Variants in RBFOX1 observed in about 807,000 individuals in gnomAD.
RBFOX1 encodes RNA binding protein fox-1 homolog 1.
Under a neutral mutation model 57.7 loss-of-function variants are expected in RBFOX1, and 8 were observed. The ratio of observed to expected loss-of-function variants is 0.14; its 90% confidence interval spans 0.08 to 0.25. RBFOX1 has a LOEUF of 0.25. Ranked by LOEUF, RBFOX1 falls within the 10% of genes least tolerant of loss-of-function variation. RBFOX1 has a pLI of 1.00. For missense variants in RBFOX1, 611 were observed against 548.5 expected, an observed-to-expected ratio of 1.11 and a Z score of -1.14; for synonymous variants, 326 against 222.4, an observed-to-expected ratio of 1.47 and a Z score of -4.15.
intron 7 of RBFOX1, among the ~76,000 whole-genome samples, chr16:7,595,232 A>G (rs892465439): frequency 6.6e-6 from 1 of 152,120 alleles, no homozygotes; most frequent in African/African-American, 2.4e-5. Context: ...CTGTGAAGAC[A>G]CTGTAAATTT....
intron 3 of RBFOX1, among the ~76,000 whole-genome samples, chr16:6,719,526 C>T (rs9674251): frequency 0.011 from 1,625 of 151,914 alleles, 23 homozygotes; most frequent in African/African-American, 0.037. Context: ...CTGTTAGCTC[C>T]ACCTCCTGGG....
intron 1 of RBFOX1, among the ~76,000 whole-genome samples, chr16:6,290,968 C>G (rs998106939): frequency 9.2e-5 from 14 of 152,040 alleles, no homozygotes; most frequent in African/African-American, 3.1e-4. Flanking sequence ...TGCTGGTTGC[C>G]TATTTTTGTG....
chr16:6,105,770 A>T (rs1239564535), intron 1 of RBFOX1, among the ~76,000 whole-genome samples: 2 of 151,928 alleles, frequency 1.3e-5, no homozygotes, highest in Admixed American at 6.6e-5. Flanking sequence ...TTTACCTTTT[A>T]TTTATGTTTT....
chr16:7,429,790 T>G (rs1017989894), intron 4 of RBFOX1, among the ~76,000 whole-genome samples: 3 of 152,232 alleles, frequency 2.0e-5, no homozygotes, highest in African/African-American at 7.2e-5. Flanking sequence ...ATAGACCCTA[T>G]TATTTCCCTA....
intron 3 of RBFOX1, among the ~76,000 whole-genome samples, chr16:6,958,444 C>G (rs903090748): frequency 9.9e-5 from 15 of 152,252 alleles, no homozygotes; most frequent in South Asian, 2.1e-4. Context: ...TGGGCAAGGA[C>G]CTTCTCGCAA....
Position 7,466,696 on chromosome 16 carries a change from C to T in RBFOX1, c.28-51451C>T, listed in dbSNP as rs149016921. Among the ~76,000 whole-genome samples the T allele has an allele frequency of 1.2e-3, 176 of 152,318 alleles. 1 individual carries two copies. In the East Asian group the frequency reaches 0.022, roughly 19 times the overall value. On this transcript the variant is annotated intron_variant, in intron 4 of 15. Transcript: ENST00000550418. ...CACATCTGTAAAATGGCAACAGTGA[C>T]GCTTACCTGCATGAATTATTCAGTG... is the stretch of plus-strand genomic sequence containing the variant.
At chr16:6,694,910 G>C (rs558461932) in intron 3 of RBFOX1, among the ~76,000 whole-genome samples, 1 of 151,982 alleles carries the variant, frequency 6.6e-6, no homozygotes, top group African/African-American at 2.4e-5. Context: ...GTGGTAAACA[G>C]GACTAACACT....
At chr16:5,910,748 G>T (rs1471434606) in intron 4 of RBFOX1, among the ~76,000 whole-genome samples, 1 of 152,154 alleles carries the variant, frequency 6.6e-6, no homozygotes, top group African/African-American at 2.4e-5. Context: ...GTCAGAATCT[G>T]CATCTCTGCC....
chr16:5,403,682 T>C (rs1272735735), intron 1 of RBFOX1, among the ~76,000 whole-genome samples: 3 of 152,210 alleles, frequency 2.0e-5, no homozygotes, highest in Non-Finnish European at 4.4e-5. Flanking sequence ...CTGACTTCAG[T>C]TGATCTGCCC....
chr16:5,752,709 T>C (rs2053253668), intron 3 of RBFOX1, among the ~76,000 whole-genome samples: 1 of 152,134 alleles, frequency 6.6e-6, no homozygotes, highest in Admixed American at 6.6e-5. Flanking sequence ...GGTGAGGGCG[T>C]ATAAGCAGTT....
At chr16:5,891,773 A>G (rs1465773472) in intron 4 of RBFOX1, among the ~76,000 whole-genome samples, 1 of 152,198 alleles carries the variant, frequency 6.6e-6, no homozygotes, top group Non-Finnish European at 1.5e-5. Context: ...GCTGGGGTAG[A>G]GCACAGGGCT....
chr16:5,551,064 T>A (rs1327574062), intron 2 of RBFOX1, among the ~76,000 whole-genome samples: 1 of 152,190 alleles, frequency 6.6e-6, no homozygotes, highest in African/African-American at 2.4e-5. Context: ...GGGTCCTAAA[T>A]ACCCACTGCA....
At chr16:7,013,667 G>T (rs1166054593) in intron 3 of RBFOX1, among the ~76,000 whole-genome samples, 1 of 152,170 alleles carries the variant, frequency 6.6e-6, no homozygotes, top group African/African-American at 2.4e-5. Context: ...TATAAAGTCT[G>T]TTTTTTAAGA....
intron 3 of RBFOX1, among the ~76,000 whole-genome samples, chr16:6,737,351 T>C (rs910073484): frequency 2.8e-5 from 4 of 143,606 alleles, no homozygotes; most frequent in Admixed American, 1.5e-4. Flanking sequence ...TGCATCAGTT[T>C]TATCTGTTGT....
chr16:5,416,491 A>G (rs1008710488), intron 1 of RBFOX1, among the ~76,000 whole-genome samples: 6 of 152,104 alleles, frequency 3.9e-5, no homozygotes, highest in Admixed American at 3.9e-4. Context: ...AGCTTTTTCC[A>G]TACTGGGCTA....
intron 4 of RBFOX1, among the ~76,000 whole-genome samples, chr16:7,125,347 T>C (rs1432017989): frequency 6.6e-6 from 1 of 152,170 alleles, no homozygotes; most frequent in Non-Finnish European, 1.5e-5. Flanking sequence ...ATACTACTTT[T>C]AGATCCTCAG....
intron 11 of RBFOX1, among the ~76,000 whole-genome samples, chr16:7,635,976 A>G (rs1206229980): frequency 6.6e-6 from 1 of 152,026 alleles, no homozygotes; most frequent in Non-Finnish European, 1.5e-5. Flanking sequence ...ATGCCCGGCT[A>G]ATTTCTTTGT....
At chr16:6,060,710 C>T (rs1198486139) in intron 1 of RBFOX1, among the ~76,000 whole-genome samples, 1 of 152,166 alleles carries the variant, frequency 6.6e-6, no homozygotes, top group Non-Finnish European at 1.5e-5. Context: ...TAGAAGGACT[C>T]AGAGCTGTTT....
At chr16:6,862,454 A>G (rs1189227612) in intron 3 of RBFOX1, among the ~76,000 whole-genome samples, 1 of 152,190 alleles carries the variant, frequency 6.6e-6, no homozygotes, top group Admixed American at 6.5e-5. Context: ...GCAATGGCAG[A>G]GTTATTAGCA....
Sources: gnomAD v4.1 joint callset for allele counts (sites outside exome capture counted in the v4.1 genomes callset) on GRCh38, gnomAD v4.1.1 for gene constraint, MANE v1.5 for transcripts, NCBI Gene and HGNC (gene_info 2026-07-23, HGNC 2026-07-21) for gene names.